The following SLC2A9 variants were observed in gnomAD, a reference collection of about 807,000 sequenced individuals.
SLC2A9 encodes solute carrier family 2 member 9.
Under a neutral mutation model 50.6 loss-of-function variants are expected in SLC2A9, and 39 were observed. The ratio of observed to expected loss-of-function variants is 0.77; its 90% CI spans 0.60 to 1.01. The LOEUF (loss-of-function observed/expected upper bound fraction) is 1.01, where lower values mean the gene tolerates loss of function less well. SLC2A9 is among the 50% of genes least tolerant of loss of function. The probability of loss-of-function intolerance (pLI) is 0.00; values close to 1 mark genes in which losing one functional copy is unlikely to be tolerated. For missense variants in SLC2A9, 686 were observed against 677.6 expected (o/e 1.01, Z -0.14); for synonymous variants, 324 against 276.9 (o/e 1.17, Z -1.69).
chr4:9,937,028 G>A (rs1165894894), intron 6 of SLC2A9, among the ~76,000 whole-genome samples: 2 of 152,168 alleles, frequency 1.3e-5, no homozygotes, highest in Non-Finnish European at 2.9e-5. Flanking sequence ...TTGAAGGTAC[G>A]TTGAGAACTT....
chr4:9,939,871 A>T (rs1006113586), intron 6 of SLC2A9, among the ~76,000 whole-genome samples: 1 of 152,182 alleles, frequency 6.6e-6, no homozygotes, highest in African/African-American at 2.4e-5. Flanking sequence ...GAATGTCTGG[A>T]GTAAAATTAG....
Position 9,993,378 on chromosome 4 carries a change from G to T in SLC2A9, c.410+3403C>A, listed in dbSNP as rs186263967. Among the ~76,000 whole-genome samples, 1,417 of 152,292 alleles carry T rather than the reference G, an allele frequency of 9.3e-3. 90 individuals are homozygous for T. The highest frequency in any genetic ancestry group is 0.087 in the Admixed American group (1,332 of 15,298). ...CGTCTCAAATAAAGCCAATGAGGTT[G>T]GTGATGGTGAAGATGATGATGATGT... is the stretch of plus-strand genomic sequence containing the variant. On this transcript the variant is annotated intron_variant, in intron 3 of 11. Transcript: ENST00000264784.
chr4:9,917,718 T>C (rs562520518), intron 7 of SLC2A9, among the ~76,000 whole-genome samples: 1 of 152,314 alleles, frequency 6.6e-6, no homozygotes, highest in Non-Finnish European at 1.5e-5. Context: ...GTTTGCTTGA[T>C]ACAGAGGTTC....
intron 1 of SLC2A9, chr4:10,029,181 C>G (rs975611301): frequency 6.6e-6 from 1 of 152,256 alleles, no homozygotes; most frequent in Non-Finnish European, 1.5e-5. Flanking sequence ...ATGAGCGGCT[C>G]CTGAATGCCT....
At chr4:9,872,859 G>A (rs1362177767) in intron 10 of SLC2A9, among the ~76,000 whole-genome samples, 2 of 152,230 alleles carry the variant, frequency 1.3e-5, no homozygotes, top group Non-Finnish European at 2.9e-5. Flanking sequence ...AAGAGATAAG[G>A]TAAATCCAGC....
intron 10 of SLC2A9, among the ~76,000 whole-genome samples, chr4:9,866,896 G>A (rs1732573694): frequency 6.6e-6 from 1 of 152,190 alleles, no homozygotes; most frequent in Admixed American, 6.5e-5. Flanking sequence ...TGGACTCTGA[G>A]CTCACAGTCC....
chr4:10,016,761 G>C (rs567458754), intron 2 of SLC2A9, among the ~76,000 whole-genome samples: 1 of 152,112 alleles, frequency 6.6e-6, no homozygotes, highest in East Asian at 1.9e-4. Flanking sequence ...ACCTCCTGAG[G>C]GTGTGTCATG....
chr4:9,828,728 C>G (rs980331452), intron 11 of SLC2A9, among the ~76,000 whole-genome samples: 2 of 152,202 alleles, frequency 1.3e-5, no homozygotes, highest in Non-Finnish European at 2.9e-5. Context: ...CTCGTTGACT[C>G]TCATTTTGAA....
intron 11 of SLC2A9, among the ~76,000 whole-genome samples, chr4:9,830,313 C>T (rs757010295): frequency 3.9e-4 from 60 of 152,098 alleles, no homozygotes; most frequent in Non-Finnish European, 7.9e-4. Context: ...AGCTGAACAA[C>T]GAGAACACAT....
At chr4:9,992,702 G>C (rs535389966) in intron 3 of SLC2A9, among the ~76,000 whole-genome samples, 2 of 152,260 alleles carry the variant, frequency 1.3e-5, no homozygotes, top group South Asian at 4.1e-4. Context: ...GACAGATTTG[G>C]ATTTTTTAAA....
intron 5 of SLC2A9, among the ~76,000 whole-genome samples, chr4:9,960,372 C>A (rs1031625960): frequency 1.3e-5 from 2 of 151,240 alleles, no homozygotes; most frequent in Admixed American, 6.6e-5. Flanking sequence ...CTGCCTAACT[C>A]TCCCCATCAA....
chr4:9,860,666 G>A (rs1301971394), intron 10 of SLC2A9, among the ~76,000 whole-genome samples: 2 of 152,208 alleles, frequency 1.3e-5, no homozygotes, highest in Admixed American at 6.5e-5. Flanking sequence ...GGCCAGCCTG[G>A]CTCCCTTGTG....
chr4:9,787,070 T>TTAAA (rs1719320872), intron 3 of SLC2A9, among the ~76,000 whole-genome samples: 1 of 152,220 alleles, frequency 6.6e-6, no homozygotes. Context: ...CCACCATTTA[T>TTAAA]TAGTCATCTG....
intron 5 of SLC2A9, among the ~76,000 whole-genome samples, chr4:9,957,841 G>C (rs1291425963): frequency 2.0e-5 from 3 of 152,052 alleles, no homozygotes; most frequent in Non-Finnish European, 4.4e-5. Flanking sequence ...AGGAGTTTCA[G>C]AGAAAGGAGC....
chr4:9,913,662 G>T (rs1201672810), intron 7 of SLC2A9, among the ~76,000 whole-genome samples: 1 of 152,142 alleles, frequency 6.6e-6, no homozygotes, highest in Non-Finnish European at 1.5e-5. Context: ...TGCATCCCCT[G>T]GGCTCTTTCT....
intron 10 of SLC2A9, among the ~76,000 whole-genome samples, chr4:9,867,696 C>A (rs962371291): frequency 6.6e-6 from 1 of 152,218 alleles, no homozygotes; most frequent in Non-Finnish European, 1.5e-5. Flanking sequence ...CACACTACCC[C>A]CTGAGAGCTG....
intron 7 of SLC2A9, among the ~76,000 whole-genome samples, chr4:9,909,485 A>G (rs187970189): frequency 7.6e-4 from 116 of 152,350 alleles, no homozygotes; most frequent in African/African-American, 2.6e-3. Context: ...TGCCCATGGC[A>G]TCAGACAAGA....
chr4:9,860,306 G>T (rs1182930170), intron 10 of SLC2A9, among the ~76,000 whole-genome samples: 1 of 152,164 alleles, frequency 6.6e-6, no homozygotes, highest in Non-Finnish European at 1.5e-5. Flanking sequence ...CAGCCATCTG[G>T]CACAGCCTCC....
intron 4 of SLC2A9, among the ~76,000 whole-genome samples, chr4:9,982,649 A>G (rs572831368): frequency 6.6e-6 from 1 of 152,344 alleles, no homozygotes; most frequent in East Asian, 1.9e-4. Context: ...TGCCTCCACT[A>G]GGAAAGGACT....
Sources: gnomAD v4.1 joint callset for allele counts (sites outside exome capture counted in the v4.1 genomes callset) on GRCh38, gnomAD v4.1.1 for gene constraint, MANE v1.5 for transcripts, NCBI Gene and HGNC (gene_info 2026-07-23, HGNC 2026-07-21) for gene names.